Variants in PTPRQ observed in about 807,000 individuals in gnomAD.
PTPRQ encodes protein tyrosine phosphatase receptor type Q, also known as phosphatidylinositol phosphatase PTPRQ.
Under a neutral mutation model 246.0 loss-of-function variants are expected in PTPRQ, and 199 were observed. That is an observed-to-expected ratio of 0.81 (90% CI 0.72 to 0.91). PTPRQ has a LOEUF of 0.91. Among genes scored for constraint, PTPRQ ranks in the 40% least tolerant of loss-of-function variants. The pLI is 0.00. For missense variants in PTPRQ, 2,624 were observed against 2,528.4 expected, an observed-to-expected ratio of 1.04 and a Z score of -0.81; for synonymous variants, 869 against 853.2, an observed-to-expected ratio of 1.02 and a Z score of -0.32.
intron 14 of PTPRQ, among the ~76,000 whole-genome samples, chr12:80,496,982 T>A (rs1029118713): frequency 2.0e-5 from 3 of 151,736 alleles, no homozygotes; most frequent in African/African-American, 7.3e-5. Flanking sequence ...TTGGCCTGGA[T>A]CTTAATGAGG....
At chr12:80,538,709 C>G (rs1228330491) in intron 19 of PTPRQ, among the ~76,000 whole-genome samples, 1 of 152,076 alleles carries the variant, frequency 6.6e-6, no homozygotes, top group African/African-American at 2.4e-5. Flanking sequence ...ACCATTCTTA[C>G]TATAAATTTG....
intron 25 of PTPRQ, among the ~76,000 whole-genome samples, chr12:80,577,978 T>C (rs986458380): frequency 1.3e-5 from 2 of 152,192 alleles, no homozygotes; most frequent in Non-Finnish European, 2.9e-5. Flanking sequence ...TCTGAAGACA[T>C]AGTTTTAATA....
intron 8 of PTPRQ, among the ~76,000 whole-genome samples, chr12:80,473,487 C>T (rs769096182): frequency 1.9e-4 from 29 of 152,292 alleles, no homozygotes; most frequent in Middle Eastern, 3.4e-3. Flanking sequence ...GTTTTCTCAA[C>T]CAACTCAATG....
At chr12:80,548,791 A>G (rs1031591458) in intron 24 of PTPRQ, among the ~76,000 whole-genome samples, 1 of 152,124 alleles carries the variant, frequency 6.6e-6, no homozygotes, top group Admixed American at 6.6e-5. Flanking sequence ...TCTAATGTGC[A>G]GTCACTTTGG....
At chr12:80,675,427 T>G (rs1042902601) in intron 43 of PTPRQ, among the ~76,000 whole-genome samples, 2 of 152,180 alleles carry the variant, frequency 1.3e-5, no homozygotes. Flanking sequence ...TTCCTTCTCA[T>G]TTTTAGTTAA....
At chr12:80,571,200 A>G (rs1037934495) in intron 25 of PTPRQ, among the ~76,000 whole-genome samples, 4 of 152,178 alleles carry the variant, frequency 2.6e-5, no homozygotes, top group African/African-American at 9.7e-5. Flanking sequence ...GCTGGGGTGC[A>G]ATGGCATGAT....
At chr12:80,479,743 C>A (rs1040231385) in intron 8 of PTPRQ, among the ~76,000 whole-genome samples, 2 of 150,936 alleles carry the variant, frequency 1.3e-5, no homozygotes, top group African/African-American at 4.9e-5. Flanking sequence ...TCTGATAAAA[C>A]AGACTTTAAA....
chr12:80,446,848 C>A (rs1892570175), intron 3 of PTPRQ, among the ~76,000 whole-genome samples: 1 of 151,896 alleles, frequency 6.6e-6, no homozygotes, highest in South Asian at 2.1e-4. Context: ...ATTCCATGAC[C>A]TTGCTATTGT....
Position 80,496,471 on chromosome 12 carries a change from A to G in PTPRQ, c.2212A>G (p.Thr738Ala), listed in dbSNP as rs1187460906. 3 of 1,550,596 alleles carry G rather than the reference A, an allele frequency of 1.9e-6. No individual in the cohort carries two copies. The highest frequency in any genetic ancestry group is 2.6e-6 in the Non-Finnish European group (3 of 1,146,388). ...CTATAACATTTCTGTAAGGTCTTACACCAGATTTGGTCATGGCAATCAGGT... is the reference window on the plus strand; with the variant it reads ...CTATAACATTTCTGTAAGGTCTTACGCCAGATTTGGTCATGGCAATCAGGT... Reference protein sequence around the residue: ...TLYNISVRSYTRFGHGNQVSS... With the variant: ...TLYNISVRSYARFGHGNQVSS... The change falls in exon 14 of 45, where the codon ACC becomes GCC. Residue 738 changes from threonine (T) to alanine (A), a missense_variant. By Grantham distance (58) the Thr-to-Ala change is moderately conservative. Coordinates refer to ENST00000644991, the MANE Select transcript of PTPRQ (RefSeq NM_001145026.2).
chr12:80,658,130 A>G (rs1900504817), intron 39 of PTPRQ, 69 bp downstream of exon 39: 1 of 1,033,298 alleles, frequency 9.7e-7, no homozygotes, highest in Non-Finnish European at 1.3e-6. Context: ...TATCTTTCCA[A>G]TTACTTAAAA....
chr12:80,448,420 A>T (rs1027947918), intron 3 of PTPRQ, among the ~76,000 whole-genome samples: 2 of 152,080 alleles, frequency 1.3e-5, no homozygotes, highest in Non-Finnish European at 1.5e-5. Flanking sequence ...CATGTGCACA[A>T]TGTGCAGGTT....
chr12:80,471,168 G>C lies in PTPRQ; in HGVS notation c.1040-937G>C, dbSNP rs1207814281. Among the ~76,000 whole-genome samples the C allele has an allele frequency of 3.3e-5, 5 of 152,030 alleles. No homozygotes were observed. In the East Asian group the frequency reaches 9.7e-4, roughly 29 times the overall value. ...CTGTGGGCTTTTATAAGGAGGGAGA[G>C]AGAATAGTAAATAAAGTGGAGCAAT... On this transcript the variant is annotated intron_variant, in intron 7 of 44. Transcript: ENST00000644991.
intron 25 of PTPRQ, 121 bp downstream of exon 25, chr12:80,549,855 C>T (rs1028342926): frequency 1.6e-5 from 22 of 1,335,260 alleles, no homozygotes; most frequent in Middle Eastern, 2.4e-4. Context: ...TTAAAAAATA[C>T]AACACAGGCT....
chr12:80,675,916 CCT>C (rs1269372585), intron 43 of PTPRQ, among the ~76,000 whole-genome samples: 2 of 152,024 alleles, frequency 1.3e-5, no homozygotes, highest in African/African-American at 4.8e-5. Context: ...GTAAAATTGC[CCT>C]GTTACACTTT....
chr12:80,491,157 T>C (rs186532752), intron 9 of PTPRQ, among the ~76,000 whole-genome samples: 179 of 152,104 alleles, frequency 1.2e-3, no homozygotes, highest in African/African-American at 3.7e-3. Context: ...TGATGGGATG[T>C]TATGCTTTAA....
At chr12:80,534,819 G>T (rs1358199701) in intron 18 of PTPRQ, 73 bp from the exon 19 acceptor site, 15 of 1,462,106 alleles carry the variant, frequency 1.0e-5, no homozygotes, top group Non-Finnish European at 1.0e-5. Context: ...TAAACTGTAG[G>T]TAAAATTCAG....
intron 9 of PTPRQ, among the ~76,000 whole-genome samples, chr12:80,487,071 G>A (rs1253693428): frequency 6.6e-6 from 1 of 152,024 alleles, no homozygotes; most frequent in East Asian, 1.9e-4. Context: ...TTCTTTTGAA[G>A]ACCTAACAGT....
intron 39 of PTPRQ, among the ~76,000 whole-genome samples, chr12:80,660,691 G>T (rs1045295536): frequency 4.6e-5 from 7 of 151,916 alleles, no homozygotes; most frequent in African/African-American, 1.7e-4. Context: ...AGGCTATCAT[G>T]CAAATGGTTG....
chr12:80,580,945 A>C (rs1250142078), intron 25 of PTPRQ, among the ~76,000 whole-genome samples: 4 of 152,210 alleles, frequency 2.6e-5, no homozygotes, highest in Non-Finnish European at 4.4e-5. Flanking sequence ...CTTCTCTGAA[A>C]GCTTAATTGG....
Sources: gnomAD v4.1 joint callset for allele counts (sites outside exome capture counted in the v4.1 genomes callset) on GRCh38, gnomAD v4.1.1 for gene constraint, MANE v1.5 for transcripts, NCBI Gene and HGNC (gene_info 2026-07-23, HGNC 2026-07-21) for gene names.